RTP5: variants seen among roughly 807,000 people sequenced by gnomAD.
RTP5 encodes the protein receptor transporter protein 5 (putative), also known as receptor-transporting protein 5.
Under a neutral mutation model 23.5 loss-of-function variants are expected in RTP5, and 30 were observed. The ratio of observed to expected loss-of-function variants is 1.27; its 90% confidence interval spans 0.95 to 1.73. The LOEUF is 1.73. Among genes scored for constraint, RTP5 ranks in the 40% most tolerant of loss-of-function variants. The probability of loss-of-function intolerance (pLI) is 0.00; values close to 1 mark genes in which losing one functional copy is unlikely to be tolerated. For synonymous variants in RTP5, 354 were observed against 342.1 expected (o/e 1.03, Z -0.38); for missense variants, 807 against 784.2 (o/e 1.03, Z -0.35).
At position 241,869,917 on chromosome 2, in the gene RTP5, G is replaced by T; in HGVS notation, c.158+3G>T. The T allele has an allele frequency of 6.6e-7, 1 of 1,519,780 alleles. No individual in the cohort carries two copies. The highest frequency in any genetic ancestry group is 1.4e-5 in the African/African-American group (1 of 70,382). 94.1% of individuals were successfully genotyped at this position (1,519,780 alleles called of 1,614,324 possible). A position where few individuals can be genotyped will look rare whatever the true frequency, so the allele number is the denominator to read the frequency against. ...TACCTGCTGGTGGGGCTCTCGAGGT[G>T]CGGCCAGAGGTTGGGGACCCTGGGA... On this transcript the variant is annotated splice_donor_region_variant and intron_variant, in intron 1 of 1. Transcript: ENST00000343216.
rs772641493 is a variant in RTP5 at position 241,872,601 on chromosome 2, T to C, written c.1046T>C (p.Phe349Ser). 6.5e-7 allele frequency: 1 copy of C among 1,538,186 alleles called. No individual in the cohort carries two copies. Among genetic ancestry groups the C allele is most frequent in the Admixed American group, 2.1e-5 (1 of 48,452 alleles). Residue 349 changes from phenylalanine to serine, a missense_variant, in exon 2 of 2, where the codon TTC becomes TCC. Transcript: ENST00000343216. ...TTCCCCTCCTCCCTCACCAGCATCT[T>C]CACCAACACCCTCTCGGAGCCCACC... The part of the protein sequence containing the change: ...LTFPSSLTSI[F>S]TNTLSEPTDG...
At position 241,872,529 on chromosome 2, in the gene RTP5, T is replaced by A. The variant is rs1468154905; in HGVS notation, c.974T>A (p.Val325Glu). The change falls in exon 2 of 2, where the codon GTG becomes GAG. Residue 325 changes from valine to glutamate, a missense_variant. By Grantham distance (121) the Val-to-Glu change is moderately radical. Coordinates refer to ENST00000343216, the MANE Select transcript of RTP5 (RefSeq NM_173821.3). ...CCTGTGGGGAAACACACGCCAACCG[T>A]GTTCTACTGTGTGGGCCTCTCGGCC... ...LVPVGKHTPT[V>E]FYCVGLSASG... 14 of 1,576,952 alleles carry A rather than the reference T, an allele frequency of 8.9e-6. No homozygotes were observed. The highest frequency in any genetic ancestry group is 1.2e-5 in the Non-Finnish European group (14 of 1,160,480).
At chr2:241,870,292 C>T (rs1208352961) in intron 1 of RTP5, among the ~76,000 whole-genome samples, 3 of 152,208 alleles carry the variant, frequency 2.0e-5, no homozygotes, top group Admixed American at 6.5e-5. Context: ...GGTCACCATC[C>T]GGCCCTGTGT....
Position 241,869,752 on chromosome 2 carries a change from G to A in RTP5, c.-5G>A. The A allele has an allele frequency of 1.3e-6, 2 of 1,517,640 alleles. No homozygotes were observed. The highest frequency in any genetic ancestry group is 1.8e-6 in the Non-Finnish European group (2 of 1,135,966). The allele number at this position is 1,517,640 out of a possible 1,614,324, so 94.0% of individuals were successfully genotyped here. A position where few individuals can be genotyped will look rare whatever the true frequency, so the allele number is the denominator to read the frequency against. ...TCAGCCCACACTGCGGAGCCAGGCGGCAGCATGGACCGGGCTGGGGCAGAC... is the reference window on the plus strand; with the variant it reads ...TCAGCCCACACTGCGGAGCCAGGCGACAGCATGGACCGGGCTGGGGCAGAC... On this transcript the variant is annotated 5_prime_UTR_variant, in exon 1 of 2. Transcript: ENST00000343216.
At position 241,872,044 on chromosome 2, in the gene RTP5, C is replaced by T. The variant is rs749581337; in HGVS notation, c.489C>T (p.Ser163=). 2.0e-5 allele frequency: 31 copies of T among 1,562,474 alleles called. No homozygotes were observed. The highest frequency in any genetic ancestry group is 2.3e-5 in the South Asian group (2 of 86,312). ...FLQKAPDPAW[S]ANATKGNFPA... is the part of the protein sequence containing the mutation. ...AGAAGGCCCCAGACCCCGCCTGGAG[C>T]GCCAACGCCACAAAAGGCAACTTCC... Residue 163 remains serine, a synonymous_variant, in exon 2 of 2, where the codon AGC becomes AGT. Coordinates refer to ENST00000343216, the MANE Select transcript of RTP5 (RefSeq NM_173821.3).
chr2:241,871,069 C>T, intron 1 of RTP5: 2 of 470,858 alleles, frequency 4.2e-6, no homozygotes, highest in Non-Finnish European at 8.8e-6. Context: ...AAGCCAATCC[C>T]TCCCAGTGCT....
Position 241,869,750 on chromosome 2 carries a change from C to A in RTP5, c.-7C>A. On this transcript the variant is annotated 5_prime_UTR_variant, in exon 1 of 2. Transcript: ENST00000343216. The stretch of plus-strand genomic sequence containing the variant: ...CCTCAGCCCACACTGCGGAGCCAGG[C>A]GGCAGCATGGACCGGGCTGGGGCAG... The A allele has an allele frequency of 2.0e-6, 3 of 1,515,402 alleles. No homozygotes were observed. Among genetic ancestry groups the A allele is most frequent in the Non-Finnish European group, 1.8e-6 (2 of 1,134,938 alleles). The allele number at this position is 1,515,402 out of a possible 1,614,324, so 93.9% of individuals were successfully genotyped here.
chr2:241,871,638 C>G, intron 1 of RTP5, 76 bp from the exon 2 acceptor site: 2 of 1,473,156 alleles, frequency 1.4e-6, no homozygotes, highest in Non-Finnish European at 9.0e-7. Flanking sequence ...GGCAAGGAGG[C>G]CGCAGAGCAG....
chr2:241,872,215 G>T lies in RTP5; in HGVS notation c.660G>T (p.Glu220Asp). Reference sequence around the variant, plus strand: ...GCAATGACCAGGTGCCCATCGCTGAGGGCCCTGCCCCCCCTGCGGGGGCCT... The same window carrying T: ...GCAATGACCAGGTGCCCATCGCTGATGGCCCTGCCCCCCCTGCGGGGGCCT... ...GTSNDQVPIA[E>D]GPAPPAGASL... The change falls in exon 2 of 2, where the codon GAG (glutamate) becomes GAT (aspartate). Residue 220 changes from glutamate to aspartate, a missense_variant. Transcript: ENST00000343216. 3 of 1,610,442 alleles carry T rather than the reference G, an allele frequency of 1.9e-6. No homozygotes were observed. Among genetic ancestry groups the T allele is most frequent in the Non-Finnish European group, 2.5e-6 (3 of 1,178,114 alleles).
chr2:241,872,548 C>G lies in RTP5; in HGVS notation c.993C>G (p.Leu331=). 1 of 1,555,810 alleles carries G rather than the reference C, an allele frequency of 6.4e-7. No homozygotes were observed. Among genetic ancestry groups the G allele is most frequent in the Non-Finnish European group, 8.7e-7 (1 of 1,150,848 alleles). The change falls in exon 2 of 2, where the codon CTC becomes CTG. Residue 331 remains leucine, a synonymous_variant. Transcript: ENST00000343216. ...HTPTVFYCVG[L]SASGEGSLTF... Reference sequence around the variant, plus strand: ...CAACCGTGTTCTACTGTGTGGGCCTCTCGGCCAGCGGGGAGGGCTCCCTCA... The same window carrying G: ...CAACCGTGTTCTACTGTGTGGGCCTGTCGGCCAGCGGGGAGGGCTCCCTCA...
At chr2:241,871,513 A>G (rs1394789413) in intron 1 of RTP5, among the ~76,000 whole-genome samples, 1 of 152,182 alleles carries the variant, frequency 6.6e-6, no homozygotes, top group Non-Finnish European at 1.5e-5. Flanking sequence ...GCCTCGGCAC[A>G]GGCAGGAGCA....
In RTP5 at chr2:241,872,521, G is replaced by A. The variant is rs542162570; in HGVS notation, c.966G>A (p.Thr322=). The change falls in exon 2 of 2, where the codon ACG becomes ACA. Residue 322 remains threonine (T), a synonymous_variant. Coordinates refer to ENST00000343216, the MANE Select transcript of RTP5 (RefSeq NM_173821.3). ...NNGLVPVGKH[T]PTVFYCVGLS... ...GCCTCGTCCCTGTGGGGAAACACAC[G>A]CCAACCGTGTTCTACTGTGTGGGCC... 63 of 1,584,416 alleles carry A rather than the reference G, an allele frequency of 4.0e-5. No individual in the cohort carries two copies. In the East Asian group the frequency reaches 1.1e-3, roughly 28 times the overall value.
chr2:241,871,269 T>C, intron 1 of RTP5: 1 of 350,148 alleles, frequency 2.9e-6, no homozygotes, highest in South Asian at 2.1e-5. Flanking sequence ...CCCTCCTAAG[T>C]GTGTCGGCAG....
rs1463643493 is a variant in RTP5 at position 241,872,038 on chromosome 2, C to T, written c.483C>T (p.Ala161=). The part of the protein sequence containing the change: ...VCFLQKAPDP[A]WSANATKGNF... ...TCCTCCAGAAGGCCCCAGACCCCGC[C>T]TGGAGCGCCAACGCCACAAAAGGCA... The change falls in exon 2 of 2, where the codon GCC becomes GCT. Residue 161 remains alanine, a synonymous_variant. Transcript: ENST00000343216. The T allele has an allele frequency of 1.1e-5, 18 of 1,565,390 alleles. No individual in the cohort carries two copies. Among genetic ancestry groups the T allele is most frequent in the Non-Finnish European group, 1.6e-5 (18 of 1,150,648 alleles).
rs1559456546 is a variant in RTP5 at position 241,869,915 on chromosome 2, G to GTGC, written c.158+2_158+4dup. 6 of 1,527,102 alleles carry GTGC rather than the reference G, an allele frequency of 3.9e-6. No individual in the cohort carries two copies. 94.6% of individuals were successfully genotyped at this position (1,527,102 alleles called of 1,614,324 possible). A position where few individuals can be genotyped will look rare whatever the true frequency, so the allele number is the denominator to read the frequency against. The stretch of plus-strand genomic sequence containing the variant: ...AGTACCTGCTGGTGGGGCTCTCGAG[G>GTGC]TGCGGCCAGAGGTTGGGGACCCTGG... On this transcript the variant is annotated splice_donor_variant, in intron 1 of 1. Coordinates refer to ENST00000343216, the MANE Select transcript of RTP5 (RefSeq NM_173821.3). LOFTEE classifies it high-confidence loss of function.
rs769591220 is a variant in RTP5 at position 241,872,960 on chromosome 2, G to A, written c.1405G>A (p.Glu469Lys). The change falls in exon 2 of 2, where the codon GAG (glutamate) becomes AAG (lysine). Residue 469 changes from glutamate (E) to lysine (K), a missense_variant. By Grantham distance (56) the Glu-to-Lys change is moderately conservative. Transcript: ENST00000343216. ...ANAEGPITVSEGCITIPFAVF... is the reference protein window; with the variant it reads ...ANAEGPITVSKGCITIPFAVF... ...TGCCGAGGGCCCCATCACGGTTAGTGAGGGCTGCATCACCATCCCCTTCGC... is the reference window on the plus strand; with the variant it reads ...TGCCGAGGGCCCCATCACGGTTAGTAAGGGCTGCATCACCATCCCCTTCGC... 1.2e-6 allele frequency: 2 copies of A among 1,612,976 alleles called. No homozygotes were observed. The highest frequency in any genetic ancestry group is 2.2e-5 in the South Asian group (2 of 91,084).
intron 1 of RTP5, 92 bp from the exon 2 acceptor site, chr2:241,871,622 C>G: frequency 7.0e-7 from 1 of 1,423,850 alleles, no homozygotes; most frequent in East Asian, 2.6e-5. Context: ...GCGCTGGGGT[C>G]GGATGGGCAA....
At chr2:241,869,970 A>G (rs767876627) in intron 1 of RTP5, 56 bp downstream of exon 1, 2 of 1,367,896 alleles carry the variant, frequency 1.5e-6, no homozygotes, top group Non-Finnish European at 1.9e-6. Context: ...GTGCTTTTCC[A>G]CGGGACCTTG....
At position 241,873,226 on chromosome 2, in the gene RTP5, G is replaced by GTTTTTTA; in HGVS notation, c.1671_1672insTTTTTTA (p.Met558PhefsTer80). On this transcript the variant is annotated frameshift_variant, in exon 2 of 2. Coordinates refer to ENST00000343216, the MANE Select transcript of RTP5 (RefSeq NM_173821.3). LOFTEE classifies it high-confidence loss of function. ...CCATGACCGTGTGCGTCTTCTGGCT[G>GTTTTTTA]ATGTGCATGTGTCGGCTGAACCCCG... is the stretch of plus-strand genomic sequence containing the variant. 4 of 1,603,332 alleles carry GTTTTTTA rather than the reference G, an allele frequency of 2.5e-6. No homozygotes were observed. In the East Asian group the frequency reaches 6.7e-5, roughly 27 times the overall value.
Sources: gnomAD v4.1 joint callset for allele counts (sites outside exome capture counted in the v4.1 genomes callset) on GRCh38, gnomAD v4.1.1 for gene constraint, MANE v1.5 for transcripts, NCBI Gene and HGNC (gene_info 2026-07-23, HGNC 2026-07-21) for gene names.